PTPRT: variants seen among roughly 807,000 people sequenced by gnomAD.
PTPRT encodes protein tyrosine phosphatase receptor type T, also known as receptor-type tyrosine-protein phosphatase T.
Under a neutral mutation model 176.8 loss-of-function variants are expected in PTPRT, and 56 were observed. That is an observed-to-expected ratio of 0.32 (90% CI 0.26 to 0.40). PTPRT has a LOEUF of 0.40. Among genes scored for constraint, PTPRT ranks in the 10% least tolerant of loss-of-function variants. PTPRT has a pLI of 1.00. For missense variants in PTPRT, 1,540 were observed against 1,908.2 expected (o/e 0.81, Z 3.60); for synonymous variants, 783 against 739.0 (o/e 1.06, Z -0.96).
intron 12 of PTPRT, among the ~76,000 whole-genome samples, chr20:42,295,082 T>A (rs891887545): frequency 6.6e-6 from 1 of 151,968 alleles, no homozygotes; most frequent in Non-Finnish European, 1.5e-5. Context: ...CAAGAAAAAT[T>A]ATTGGAAGTA....
chr20:42,824,726 G>A (rs996299845), intron 2 of PTPRT, among the ~76,000 whole-genome samples: 3 of 151,776 alleles, frequency 2.0e-5, no homozygotes, highest in Non-Finnish European at 2.9e-5. Context: ...ATCTCATTTG[G>A]GAATAGGGAA....
chr20:42,574,371 A>C (rs1019909936), intron 7 of PTPRT, among the ~76,000 whole-genome samples: 3 of 152,166 alleles, frequency 2.0e-5, no homozygotes, highest in Non-Finnish European at 4.4e-5. Flanking sequence ...ACTTTGGTTA[A>C]AAAGAAAGTG....
At chr20:42,564,001 C>T (rs1205154167) in intron 7 of PTPRT, among the ~76,000 whole-genome samples, 1 of 152,290 alleles carries the variant, frequency 6.6e-6, no homozygotes, top group East Asian at 1.9e-4. Context: ...TTGAAGTCCC[C>T]CTCTGGACCC....
At chr20:43,143,784 C>A (rs1002533901) in intron 1 of PTPRT, among the ~76,000 whole-genome samples, 1 of 152,166 alleles carries the variant, frequency 6.6e-6, no homozygotes, top group Non-Finnish European at 1.5e-5. Flanking sequence ...AACCAAGGGA[C>A]CTTGCTTGAT....
At chr20:42,081,354 G>T (rs1410470132) in intron 30 of PTPRT, among the ~76,000 whole-genome samples, 1 of 152,076 alleles carries the variant, frequency 6.6e-6, no homozygotes, top group Non-Finnish European at 1.5e-5. Context: ...GCCTCATTTT[G>T]ACTAAGACCA....
At chr20:42,459,983 T>C (rs565190662) in intron 8 of PTPRT, among the ~76,000 whole-genome samples, 235 of 152,250 alleles carry the variant, frequency 1.5e-3, no homozygotes, top group Non-Finnish European at 1.5e-3. Context: ...GAAGTCAAGG[T>C]TTTTGGCTCG....
Position 42,680,029 on chromosome 20 carries a change from G to A in PTPRT, c.860-1870C>T, listed in dbSNP as rs757847329. Reference sequence around the variant, plus strand: ...GAGGCATATGAGGGTAGAATACAATGTGCATTTGTTTGAGAATATTTCACT... The same window carrying A: ...GAGGCATATGAGGGTAGAATACAATATGCATTTGTTTGAGAATATTTCACT... On this transcript the variant is annotated intron_variant, in intron 6 of 30. Transcript: ENST00000373187. 1.1e-3 allele frequency among the ~76,000 whole-genome samples: 174 copies of A among 152,194 alleles called. 4 individuals carry two copies. The highest frequency in any genetic ancestry group is 1.0e-3 in the Admixed American group (16 of 15,286).
At chr20:42,945,031 G>A (rs1980790354) in intron 1 of PTPRT, among the ~76,000 whole-genome samples, 1 of 149,964 alleles carries the variant, frequency 6.7e-6, no homozygotes, top group South Asian at 2.1e-4. Flanking sequence ...ATTATAAAAT[G>A]TTGTGTGTGT....
intron 1 of PTPRT, among the ~76,000 whole-genome samples, chr20:42,920,688 A>G (rs1020683491): frequency 7.9e-5 from 12 of 152,234 alleles, no homozygotes; most frequent in Non-Finnish European, 1.5e-4. Flanking sequence ...TGCACAAAGC[A>G]GAATCACATT....
intron 13 of PTPRT, among the ~76,000 whole-genome samples, chr20:42,271,319 A>G (rs2056930767): frequency 1.3e-5 from 2 of 152,120 alleles, no homozygotes; most frequent in African/African-American, 4.8e-5. Flanking sequence ...CTGCTCCTTC[A>G]CCTGGCTGAT....
At chr20:42,691,998 A>G (rs2206430) in intron 6 of PTPRT, among the ~76,000 whole-genome samples, 11,802 of 152,284 alleles carry the variant, frequency 0.077, 511 homozygotes, top group South Asian at 0.16. Flanking sequence ...GCATAGGCCC[A>G]GGGAACTCAA....
chr20:42,928,817 T>C (rs1473988872), intron 1 of PTPRT, among the ~76,000 whole-genome samples: 2 of 152,040 alleles, frequency 1.3e-5, no homozygotes, highest in East Asian at 3.9e-4. Flanking sequence ...ACGCTGCCAC[T>C]CAACACAAAA....
chr20:42,792,982 G>A (rs1214011441), intron 2 of PTPRT, among the ~76,000 whole-genome samples: 1 of 152,174 alleles, frequency 6.6e-6, no homozygotes, highest in Non-Finnish European at 1.5e-5. Context: ...CTTTCTGCAT[G>A]TTTCCCCTGA....
chr20:43,103,959 C>G lies in PTPRT; in HGVS notation c.88+85687G>C, dbSNP rs565250655. Among the ~76,000 whole-genome samples, 5 of 152,236 alleles carry G rather than the reference C, an allele frequency of 3.3e-5. No homozygotes were observed. The South Asian group carries it at 1.0e-3, about 32-fold the overall frequency. ...GGAAAACAAATATCACAAAGTAATG[C>G]ATGGAGAGCAGATGCTTTAAACATC... On this transcript the variant is annotated intron_variant, in intron 1 of 30. Coordinates refer to ENST00000373187, the MANE Select transcript of PTPRT (RefSeq NM_007050.6).
intron 6 of PTPRT, among the ~76,000 whole-genome samples, chr20:42,682,993 G>A (rs1569080953): frequency 1.3e-5 from 2 of 152,170 alleles, no homozygotes; most frequent in South Asian, 2.1e-4. Flanking sequence ...AAAACCAAAC[G>A]TTACTAAGAC....
intron 17 of PTPRT, among the ~76,000 whole-genome samples, chr20:42,148,748 T>C (rs946041845): frequency 6.6e-6 from 1 of 152,158 alleles, no homozygotes; most frequent in African/African-American, 2.4e-5. Context: ...CAAAAGCAAG[T>C]TGTATCTGGA....
intron 16 of PTPRT, among the ~76,000 whole-genome samples, chr20:42,197,486 T>C (rs1991276798): frequency 1.3e-5 from 2 of 150,242 alleles, no homozygotes; most frequent in South Asian, 4.2e-4. Context: ...AAATACAATG[T>C]GAGCGCTCTG....
chr20:42,479,242 C>T (rs2071340889), intron 7 of PTPRT, among the ~76,000 whole-genome samples: 1 of 152,200 alleles, frequency 6.6e-6, no homozygotes, highest in Non-Finnish European at 1.5e-5. Context: ...TTGCCTGTAG[C>T]ATATGTACTG....
chr20:42,047,176 G>T, the PTPRT span, among the ~76,000 whole-genome samples: 1 of 152,332 alleles, frequency 6.6e-6, no homozygotes, highest in African/African-American at 2.4e-5. Flanking sequence ...CAGACCAGAA[G>T]TGGGACAAGA....
Sources: allele counts gnomAD v4.1 joint callset (sites outside exome capture counted in the v4.1 genomes callset), GRCh38; gene constraint gnomAD v4.1.1; transcripts MANE v1.5; gene names NCBI Gene and HGNC (gene_info 2026-07-23, HGNC 2026-07-21).